Variants in DACH1 observed in about 807,000 individuals in gnomAD.
DACH1 encodes dachshund family transcription factor 1.
Under a neutral mutation model 54.2 loss-of-function variants are expected in DACH1, and 12 were observed. That is an observed-to-expected ratio of 0.22 (90% CI 0.14 to 0.36). The LOEUF (loss-of-function observed/expected upper bound fraction) is 0.36. Among genes scored for constraint, DACH1 ranks in the 10% least tolerant of loss-of-function variants. DACH1 has a pLI of 1.00. For synonymous variants in DACH1, 386 were observed against 366.2 expected (o/e 1.05, Z -0.62); for missense variants, 805 against 929.8 (o/e 0.87, Z 1.75).
At chr13:71,726,766 A>T (rs954914346) in intron 1 of DACH1, among the ~76,000 whole-genome samples, 6 of 152,012 alleles carry the variant, frequency 3.9e-5, no homozygotes, top group Admixed American at 1.3e-4. Flanking sequence ...TTTTATTCTA[A>T]TTATATTTGA....
chr13:71,634,501 C>T (rs1877329666), intron 2 of DACH1, among the ~76,000 whole-genome samples: 1 of 152,190 alleles, frequency 6.6e-6, no homozygotes, highest in African/African-American at 2.4e-5. Flanking sequence ...ATTCTGTTCT[C>T]ACTTTCCAGA....
chr13:71,653,212 C>A (rs1206796058), intron 2 of DACH1, among the ~76,000 whole-genome samples: 1 of 152,146 alleles, frequency 6.6e-6, no homozygotes, highest in Non-Finnish European at 1.5e-5. Context: ...ATAAACCCCG[C>A]CCCTAAATCC....
chr13:71,699,468 A>G (rs1396783484), intron 1 of DACH1, among the ~76,000 whole-genome samples: 1 of 152,208 alleles, frequency 6.6e-6, no homozygotes, highest in Admixed American at 6.5e-5. Context: ...GTTGAATGAC[A>G]AAGAGTAGTA....
intron 10 of DACH1, among the ~76,000 whole-genome samples, chr13:71,474,903 T>C (rs1877381730): frequency 6.6e-6 from 1 of 152,236 alleles, no homozygotes; most frequent in African/African-American, 2.4e-5. Flanking sequence ...TCATACATTG[T>C]TTAAAATTAA....
At chr13:71,521,488 T>C (rs1269470962) in intron 6 of DACH1, among the ~76,000 whole-genome samples, 1 of 152,064 alleles carries the variant, frequency 6.6e-6, no homozygotes, top group Non-Finnish European at 1.5e-5. Context: ...AAACCTATTT[T>C]AAAACACATT....
chr13:71,584,063 G>A (rs1873053518), intron 3 of DACH1, among the ~76,000 whole-genome samples: 1 of 152,024 alleles, frequency 6.6e-6, no homozygotes, highest in Admixed American at 6.6e-5. Context: ...CATTACATCA[G>A]AGAATATTAA....
intron 1 of DACH1, among the ~76,000 whole-genome samples, chr13:71,754,188 T>A (rs1175849018): frequency 4.6e-5 from 7 of 152,178 alleles, no homozygotes; most frequent in Non-Finnish European, 1.0e-4. Context: ...TGCTTTAAAA[T>A]GGAGGAATTC....
intron 1 of DACH1, among the ~76,000 whole-genome samples, chr13:71,833,369 T>C (rs982439860): frequency 2.0e-5 from 3 of 152,124 alleles, no homozygotes; most frequent in South Asian, 2.1e-4. Context: ...AATAAACAAA[T>C]TTAAACTAAA....
intron 6 of DACH1, among the ~76,000 whole-genome samples, chr13:71,516,729 T>A (rs1451934075): frequency 2.0e-5 from 3 of 151,806 alleles, no homozygotes; most frequent in Non-Finnish European, 4.4e-5. Flanking sequence ...CGCACAGACG[T>A]CTGCCAAGCA....
intron 1 of DACH1, among the ~76,000 whole-genome samples, chr13:71,689,145 T>C (rs796644544): frequency 2.0e-4 from 30 of 152,282 alleles, no homozygotes; most frequent in African/African-American, 7.0e-4. Flanking sequence ...TATGAAAATT[T>C]CTCATCTCTC....
intron 1 of DACH1, among the ~76,000 whole-genome samples, chr13:71,792,628 T>A (rs1366804049): frequency 6.6e-6 from 1 of 152,216 alleles, no homozygotes; most frequent in Non-Finnish European, 1.5e-5. Context: ...TGTTTGTATA[T>A]GATCAATCCG....
chr13:71,658,475 G>A (rs962359561), intron 2 of DACH1, among the ~76,000 whole-genome samples: 9 of 152,062 alleles, frequency 5.9e-5, no homozygotes, highest in East Asian at 5.8e-4. Flanking sequence ...TCTTGAACCC[G>A]GGAGGCTGAG....
At chr13:71,597,017 C>G (rs998632014) in intron 3 of DACH1, among the ~76,000 whole-genome samples, 10 of 152,014 alleles carry the variant, frequency 6.6e-5, no homozygotes, top group African/African-American at 2.4e-4. Context: ...AAATATAAGT[C>G]TAAATCAAGC....
At chr13:71,617,158 T>G (rs1436626664) in intron 3 of DACH1, among the ~76,000 whole-genome samples, 1 of 152,092 alleles carries the variant, frequency 6.6e-6, no homozygotes, top group African/African-American at 2.4e-5. Context: ...CTTGAGCCAC[T>G]CTGCCCAGCA....
chr13:71,496,644 C>T (rs1285361466), intron 6 of DACH1, among the ~76,000 whole-genome samples: 1 of 151,624 alleles, frequency 6.6e-6, no homozygotes, highest in African/African-American at 2.4e-5. Flanking sequence ...TATCCAAAAC[C>T]CTGACTTCAC....
intron 1 of DACH1, among the ~76,000 whole-genome samples, chr13:71,697,155 G>A (rs1881875649): frequency 1.3e-5 from 2 of 152,146 alleles, no homozygotes; most frequent in Non-Finnish European, 2.9e-5. Context: ...CATGAGGGCA[G>A]AGATTTTGAA....
At chr13:71,600,208 C>T (rs752184699) in intron 3 of DACH1, among the ~76,000 whole-genome samples, 8 of 152,182 alleles carry the variant, frequency 5.3e-5, no homozygotes, top group Non-Finnish European at 8.8e-5. Context: ...GCAAATCCTT[C>T]GAAAGACAGT....
chr13:71,511,644 C>G (rs953375587), intron 6 of DACH1, among the ~76,000 whole-genome samples: 3 of 151,688 alleles, frequency 2.0e-5, no homozygotes, highest in African/African-American at 7.3e-5. Flanking sequence ...TCACAGCTGT[C>G]TACATTTATT....
chr13:71,489,711 A>G (rs1878830633), intron 6 of DACH1, among the ~76,000 whole-genome samples: 1 of 152,156 alleles, frequency 6.6e-6, no homozygotes, highest in South Asian at 2.1e-4. Flanking sequence ...TTATAACTGA[A>G]TTATTCATCA....
Sources: allele counts gnomAD v4.1 joint callset (sites outside exome capture counted in the v4.1 genomes callset), GRCh38; gene constraint gnomAD v4.1.1; transcripts MANE v1.5; gene names NCBI Gene and HGNC (gene_info 2026-07-23, HGNC 2026-07-21).